Variants in DNAJC15 observed in about 807,000 individuals in gnomAD.
DNAJC15 encodes DnaJ heat shock protein family (Hsp40) member C15, also known as dnaJ homolog subfamily C member 15.
DNAJC15 carries 27 observed loss-of-function variants against 22.4 expected under a neutral mutation model. That is an observed-to-expected ratio of 1.20 (90% CI 0.89 to 1.66). The LOEUF is 1.66. Ranked by LOEUF, DNAJC15 falls within the 40% of genes most tolerant of loss-of-function variation. DNAJC15 has a pLI of 0.00. For synonymous variants in DNAJC15, 79 were observed against 63.2 expected (o/e 1.25, Z -1.19); for missense variants, 208 against 187.1 (o/e 1.11, Z -0.65).
intron 1 of DNAJC15, among the ~76,000 whole-genome samples, chr13:43,030,992 G>T (rs768096084): frequency 1.3e-5 from 2 of 152,190 alleles, no homozygotes; most frequent in Non-Finnish European, 2.9e-5. Context: ...TTGAGAAAAG[G>T]GAAGAATGTG....
At chr13:43,086,531 T>G (rs1474612697) in intron 5 of DNAJC15, among the ~76,000 whole-genome samples, 1 of 152,168 alleles carries the variant, frequency 6.6e-6, no homozygotes, top group Non-Finnish European at 1.5e-5. Context: ...TCCTAATTAT[T>G]TCAAAAAAAT....
In DNAJC15 at chr13:43,085,888, A is replaced by T. The variant is rs1284737364; in HGVS notation, c.382+50A>T. 3 of 1,506,238 alleles carry T rather than the reference A, an allele frequency of 2.0e-6. No individual in the cohort carries two copies. The Admixed American group carries it at 5.4e-5, about 27-fold the overall frequency. The allele number at this position is 1,506,238 out of a possible 1,614,324, so 93.3% of individuals were successfully genotyped here. A position where few individuals can be genotyped will look rare whatever the true frequency, so the allele number is the denominator to read the frequency against. ...AATATGTATATCAAAATATGCTGTG[A>T]ATTCCTTTCAGATTAAAGTCATATA... On this transcript the variant is annotated intron_variant, in intron 5 of 5. Coordinates refer to ENST00000379221, the MANE Select transcript of DNAJC15 (RefSeq NM_013238.3).
chr13:43,057,314 T>C (rs60062007), intron 1 of DNAJC15, among the ~76,000 whole-genome samples: 42 of 152,300 alleles, frequency 2.8e-4, no homozygotes, highest in African/African-American at 9.9e-4. Context: ...AAATTCTTTT[T>C]TGTCTTTGTC....
chr13:43,048,348 C>T (rs963581337), intron 1 of DNAJC15, among the ~76,000 whole-genome samples: 9 of 143,422 alleles, frequency 6.3e-5, no homozygotes, highest in Non-Finnish European at 1.1e-4. Context: ...AAAAATTACC[C>T]GGGTATGGTG....
chr13:43,029,172 CTT>C (rs1423726749), intron 1 of DNAJC15, among the ~76,000 whole-genome samples: 1 of 152,210 alleles, frequency 6.6e-6, no homozygotes, highest in Non-Finnish European at 1.5e-5. Flanking sequence ...CTGTGTCTCT[CTT>C]GCTCACTGCT....
At chr13:43,034,028 C>CAAAA (rs568856935) in intron 1 of DNAJC15, among the ~76,000 whole-genome samples, 25 of 108,654 alleles carry the variant, frequency 2.3e-4, no homozygotes, top group African/African-American at 7.5e-4. Flanking sequence ...AACTTCATCT[C>CAAAA]AAAAAAAAAA....
intron 1 of DNAJC15, among the ~76,000 whole-genome samples, chr13:43,045,351 G>A (rs1401747397): frequency 6.6e-6 from 1 of 152,168 alleles, no homozygotes; most frequent in Non-Finnish European, 1.5e-5. Context: ...CAGACATCGA[G>A]TTGTAGAAGG....
At chr13:43,044,097 A>G (rs1361158793) in intron 1 of DNAJC15, among the ~76,000 whole-genome samples, 2 of 152,140 alleles carry the variant, frequency 1.3e-5, no homozygotes, top group Admixed American at 6.5e-5. Flanking sequence ...CCCAAATTAT[A>G]TTGATTTGCC....
Position 43,060,019 on chromosome 13 carries a change from T to C in DNAJC15, c.109-5667T>C, listed in dbSNP as rs987602404. On this transcript the variant is annotated intron_variant, in intron 1 of 5. Transcript: ENST00000379221. ...GCTATTTTCACTTCTTTTGAGGATCTTCAGTTGCTTCGGGCTATCTGGATG... is the reference window on the plus strand; with the variant it reads ...GCTATTTTCACTTCTTTTGAGGATCCTCAGTTGCTTCGGGCTATCTGGATG... Among the ~76,000 whole-genome samples the C allele has an allele frequency of 4.5e-4, 69 of 152,356 alleles. 1 individual carries two copies. Among genetic ancestry groups the C allele is most frequent in the Non-Finnish European group, 1.2e-4 (8 of 68,034 alleles).
At chr13:43,061,115 G>A (rs1246667879) in intron 1 of DNAJC15, among the ~76,000 whole-genome samples, 4 of 152,144 alleles carry the variant, frequency 2.6e-5, no homozygotes, top group African/African-American at 4.8e-5. Context: ...TCTAAGAGGC[G>A]GGCTAGTGGC....
intron 4 of DNAJC15, 97 bp downstream of exon 4, chr13:43,078,785 A>C (rs764328908): frequency 4.4e-5 from 44 of 1,007,018 alleles, no homozygotes; most frequent in Non-Finnish European, 2.4e-5. Context: ...ACTTAAAATT[A>C]TGAGTAGGTG....
At chr13:43,024,824 G>C (rs984292753) in intron 1 of DNAJC15, among the ~76,000 whole-genome samples, 1 of 149,304 alleles carries the variant, frequency 6.7e-6, no homozygotes, top group Non-Finnish European at 1.5e-5. Context: ...AGGAAGCCCA[G>C]GCAGGAGGAT....
At chr13:43,060,623 C>T (rs1393360898) in intron 1 of DNAJC15, among the ~76,000 whole-genome samples, 1 of 152,090 alleles carries the variant, frequency 6.6e-6, no homozygotes, top group Non-Finnish European at 1.5e-5. Context: ...AACAGTAAGT[C>T]GAGGCCTTGG....
rs1398270135 is a variant in DNAJC15 at position 43,114,112 on chromosome 13, G to A, written c.*6864G>A. On this transcript the variant is annotated 3_prime_UTR_variant, in exon 6 of 6. Transcript: ENST00000379221. ...AATTAAATAAATAAAATGCTGTTGT[G>A]TTTGTTTTGCTTTAAAATTGTAAAG... The A allele has an allele frequency of 6.6e-6, 1 of 152,136 alleles. No homozygotes were observed. The highest frequency in any genetic ancestry group is 1.5e-5 in the Non-Finnish European group (1 of 68,020). The allele number at this position is 152,136 out of a possible 1,614,324, so 9.4% of individuals were successfully genotyped here.
chr13:43,039,752 A>T (rs900633311), intron 1 of DNAJC15, among the ~76,000 whole-genome samples: 1 of 152,258 alleles, frequency 6.6e-6, no homozygotes, highest in Non-Finnish European at 1.5e-5. Context: ...ATGGTGGCTC[A>T]TGCCTGTAAT....
chr13:43,034,619 T>C (rs2040421307), intron 1 of DNAJC15, among the ~76,000 whole-genome samples: 1 of 31,160 alleles, frequency 3.2e-5, no homozygotes, highest in South Asian at 1.6e-3. Flanking sequence ...CCAGCCGAGA[T>C]TGTCCTTTTA....
chr13:43,099,866 C>T (rs2040758870), intron 5 of DNAJC15, among the ~76,000 whole-genome samples: 1 of 152,040 alleles, frequency 6.6e-6, no homozygotes, highest in African/African-American at 2.4e-5. Flanking sequence ...TTTGCATCCA[C>T]ACTTATAAGA....
chr13:43,090,257 G>A (rs748973136), intron 5 of DNAJC15, among the ~76,000 whole-genome samples: 2 of 152,220 alleles, frequency 1.3e-5, no homozygotes, highest in Admixed American at 6.5e-5. Flanking sequence ...TGTTTTGCAT[G>A]GGCATGGTAT....
chr13:43,023,795 C>G (rs1003580766), intron 1 of DNAJC15, 61 bp downstream of exon 1: 42 of 1,432,590 alleles, frequency 2.9e-5, no homozygotes, highest in Non-Finnish European at 4.0e-5. Context: ...GCTTCAGCCC[C>G]CTCTACCGCC....
Sources: gnomAD v4.1 joint callset for allele counts (sites outside exome capture counted in the v4.1 genomes callset) on GRCh38, gnomAD v4.1.1 for gene constraint, MANE v1.5 for transcripts, NCBI Gene and HGNC (gene_info 2026-07-23, HGNC 2026-07-21) for gene names.